GRM7: variants seen among roughly 807,000 people sequenced by gnomAD.
The protein encoded by GRM7 is metabotropic glutamate receptor 7.
A neutral mutation model predicts 84.5 loss-of-function variants in GRM7; 35 were observed. The ratio of observed to expected loss-of-function variants is 0.41; its 90% CI spans 0.32 to 0.55. The LOEUF is 0.55. GRM7 is among the 20% of genes least tolerant of loss of function. The pLI, the probability that GRM7 is intolerant of heterozygous loss-of-function variation, is 0.19. For synonymous variants in GRM7, 487 were observed against 455.1 expected (o/e 1.07, Z -0.89); for missense variants, 1,003 against 1,194.6 (o/e 0.84, Z 2.36).
At chr3:7,268,418 T>C (rs889207024) in intron 2 of GRM7, among the ~76,000 whole-genome samples, 1 of 152,036 alleles carries the variant, frequency 6.6e-6, no homozygotes, top group Non-Finnish European at 1.5e-5. Flanking sequence ...ATTGAGCCAC[T>C]GCACTCCAGC....
chr3:7,262,486 C>A (rs1437145374), intron 2 of GRM7, among the ~76,000 whole-genome samples: 1 of 152,148 alleles, frequency 6.6e-6, no homozygotes, highest in African/African-American at 2.4e-5. Context: ...GCTTTTTTGT[C>A]TGTCAGTTTC....
At chr3:6,868,226 A>G (rs1695001558) in intron 1 of GRM7, among the ~76,000 whole-genome samples, 1 of 152,144 alleles carries the variant, frequency 6.6e-6, no homozygotes, top group South Asian at 2.1e-4. Context: ...CAAAGTCTGG[A>G]TTCAAACTTG....
intron 1 of GRM7, among the ~76,000 whole-genome samples, chr3:7,055,805 G>A (rs1345549574): frequency 1.3e-5 from 2 of 151,932 alleles, no homozygotes; most frequent in Non-Finnish European, 2.9e-5. Context: ...ACAGGCATGA[G>A]CCAGTGCACT....
rs139270973 is a variant in GRM7, at chr3:7,437,809, G to A, written c.1175-14798G>A. On this transcript the variant is annotated intron_variant, in intron 5 of 9. Coordinates refer to ENST00000357716, the MANE Select transcript of GRM7 (RefSeq NM_000844.4). ...CTTTGCATAGCCTAAGGCTAGGCTAGGGGCAAGTAGGGAAATTGTACAGAG... is the reference window on the plus strand; with the variant it reads ...CTTTGCATAGCCTAAGGCTAGGCTAAGGGCAAGTAGGGAAATTGTACAGAG... Among the ~76,000 whole-genome samples, 754 of 152,130 alleles carry A rather than the reference G, an allele frequency of 5.0e-3. 4 individuals are homozygous for A. The highest frequency in any genetic ancestry group is 0.018 in the African/African-American group (737 of 41,496).
chr3:7,413,611 G>A (rs778717974), intron 4 of GRM7, among the ~76,000 whole-genome samples: 2 of 152,102 alleles, frequency 1.3e-5, no homozygotes, highest in Non-Finnish European at 2.9e-5. Context: ...GGGTTTTACC[G>A]TTTTGATTGA....
chr3:7,730,612 G>GA (rs1702293605), intron 9 of GRM7, among the ~76,000 whole-genome samples: 1 of 152,198 alleles, frequency 6.6e-6, no homozygotes, highest in Non-Finnish European at 1.5e-5. Flanking sequence ...AAGAGACTAT[G>GA]AATGTCTTAT....
At chr3:7,085,727 C>T (rs1698433567) in intron 1 of GRM7, among the ~76,000 whole-genome samples, 1 of 152,050 alleles carries the variant, frequency 6.6e-6, no homozygotes, top group South Asian at 2.1e-4. Flanking sequence ...TTCAGTGGCT[C>T]TTTTAAGCCT....
intron 1 of GRM7, among the ~76,000 whole-genome samples, chr3:6,941,091 T>C (rs1559341230): frequency 6.6e-6 from 1 of 152,198 alleles, no homozygotes; most frequent in Non-Finnish European, 1.5e-5. Flanking sequence ...TTGCTACTCA[T>C]GGCTGGACGT....
At chr3:7,103,316 A>G (rs1370368255) in intron 1 of GRM7, among the ~76,000 whole-genome samples, 1 of 151,740 alleles carries the variant, frequency 6.6e-6, no homozygotes. Context: ...GTCTGGTCCA[A>G]AAGTGGCTAC....
chr3:7,530,272 T>G (rs549993649), intron 7 of GRM7, among the ~76,000 whole-genome samples: 1 of 152,260 alleles, frequency 6.6e-6, no homozygotes, highest in East Asian at 1.9e-4. Context: ...GGACATGAAC[T>G]TATCCTTTTT....
At chr3:7,262,488 G>A (rs1173628815) in intron 2 of GRM7, among the ~76,000 whole-genome samples, 1 of 152,162 alleles carries the variant, frequency 6.6e-6, no homozygotes, top group East Asian at 1.9e-4. Flanking sequence ...TTTTTTGTCT[G>A]TCAGTTTCGG....
At chr3:7,563,999 T>C (rs1183577946) in intron 7 of GRM7, among the ~76,000 whole-genome samples, 1 of 151,944 alleles carries the variant, frequency 6.6e-6, no homozygotes, top group Non-Finnish European at 1.5e-5. Context: ...GCCATTATTA[T>C]GAAGAGAAAG....
intron 1 of GRM7, among the ~76,000 whole-genome samples, chr3:7,047,330 A>C (rs1696841068): frequency 6.6e-6 from 1 of 152,034 alleles, no homozygotes; most frequent in African/African-American, 2.4e-5. Flanking sequence ...TGAACATATT[A>C]CTAGACTAGA....
chr3:6,913,168 C>G (rs1490607815), intron 1 of GRM7, among the ~76,000 whole-genome samples: 1 of 152,126 alleles, frequency 6.6e-6, no homozygotes, highest in African/African-American at 2.4e-5. Flanking sequence ...ATATATGTAG[C>G]TATATGTCTT....
chr3:7,314,905 C>G (rs987897066), intron 4 of GRM7, among the ~76,000 whole-genome samples: 1 of 152,110 alleles, frequency 6.6e-6, no homozygotes, highest in African/African-American at 2.4e-5. Context: ...GGATTTTCCA[C>G]TTTCCCCTTA....
intron 1 of GRM7, among the ~76,000 whole-genome samples, chr3:6,946,025 C>G (rs1698065831): frequency 6.6e-6 from 1 of 152,066 alleles, no homozygotes; most frequent in African/African-American, 2.4e-5. Flanking sequence ...TTCACTATGA[C>G]AGTGATTTCT....
chr3:7,469,834 C>T (rs1394648105), intron 7 of GRM7, among the ~76,000 whole-genome samples: 2 of 152,110 alleles, frequency 1.3e-5, no homozygotes, highest in Non-Finnish European at 2.9e-5. Flanking sequence ...ATTTGTAAAT[C>T]AAAATTAAGT....
At chr3:7,698,834 G>T (rs186405184) in intron 9 of GRM7, among the ~76,000 whole-genome samples, 2 of 152,254 alleles carry the variant, frequency 1.3e-5, no homozygotes, top group Admixed American at 1.3e-4. Context: ...GCCTGGAGAA[G>T]AGCAGAAAAA....
intron 1 of GRM7, among the ~76,000 whole-genome samples, chr3:7,099,303 C>T (rs547385023): frequency 1.1e-4 from 15 of 135,742 alleles, no homozygotes; most frequent in East Asian, 4.1e-4. Flanking sequence ...TATATATGTA[C>T]ACATGTATTA....
Sources: gnomAD v4.1 joint callset for allele counts (sites outside exome capture counted in the v4.1 genomes callset) on GRCh38, gnomAD v4.1.1 for gene constraint, MANE v1.5 for transcripts, NCBI Gene and HGNC (gene_info 2026-07-23, HGNC 2026-07-21) for gene names.